Variants in PDE11A observed in about 807,000 individuals in gnomAD.
PDE11A encodes phosphodiesterase 11A, also known as dual 3',5'-cyclic-AMP and -GMP phosphodiesterase 11A.
In PDE11A, 100 loss-of-function variants were observed where a neutral mutation model predicts 100.5. The ratio of observed to expected loss-of-function variants is 1.00; its 90% CI spans 0.85 to 1.18. The LOEUF is 1.18. PDE11A is among the 50% of genes most tolerant of loss of function. PDE11A has a pLI of 0.00. For missense variants in PDE11A, 1,141 were observed against 1,152.6 expected (o/e 0.99, Z 0.15); for synonymous variants, 381 against 420.8 (o/e 0.91, Z 1.16).
Position 177,727,657 on chromosome 2 carries a change from C to G in PDE11A, c.2043+1G>C. 6.5e-7 allele frequency: 1 copy of G among 1,538,820 alleles called. No homozygotes were observed. Among genetic ancestry groups the G allele is most frequent in the Non-Finnish European group, 9.0e-7 (1 of 1,111,356 alleles). On this transcript the variant is annotated splice_donor_variant, in intron 12 of 19. Transcript: ENST00000286063. LOFTEE classifies it high-confidence loss of function. ...CTTCCACCATCACTAAGCACACTTA[C>G]GGTTAACATCGCGAACATCAGCTGA...
chr2:177,759,687 C>G (rs1357457566), intron 10 of PDE11A, among the ~76,000 whole-genome samples: 1 of 152,200 alleles, frequency 6.6e-6, no homozygotes, highest in African/African-American at 2.4e-5. Flanking sequence ...CATATACTCT[C>G]TTGCTAAGAA....
chr2:177,743,374 G>C (rs1644823286), intron 10 of PDE11A, among the ~76,000 whole-genome samples: 1 of 152,230 alleles, frequency 6.6e-6, no homozygotes, highest in African/African-American at 2.4e-5. Context: ...CATGAAACTT[G>C]TAAGATGAAG....
At chr2:177,641,036 C>A (rs1361913797) in intron 19 of PDE11A, among the ~76,000 whole-genome samples, 1 of 152,194 alleles carries the variant, frequency 6.6e-6, no homozygotes, top group Non-Finnish European at 1.5e-5. Flanking sequence ...GCTGCAGCCT[C>A]CTAACCAGTC....
intron 9 of PDE11A, among the ~76,000 whole-genome samples, chr2:177,784,561 T>A (rs1453672756): frequency 6.6e-6 from 1 of 152,240 alleles, no homozygotes; most frequent in Non-Finnish European, 1.5e-5. Context: ...GCTATCTGCC[T>A]ATGGGGTAGC....
At chr2:178,062,348 A>G (rs2105866474) in intron 1 of PDE11A, among the ~76,000 whole-genome samples, 1 of 152,122 alleles carries the variant, frequency 6.6e-6, no homozygotes, top group South Asian at 2.1e-4. Context: ...AAAAAAAAAA[A>G]AAAAAGAAGC....
chr2:177,773,706 G>T lies in PDE11A; in HGVS notation c.1738-4333C>A, dbSNP rs180703213. Among the ~76,000 whole-genome samples, 131 of 152,286 alleles carry T rather than the reference G, an allele frequency of 8.6e-4. 1 individual carries two copies. The highest frequency in any genetic ancestry group is 3.4e-3 in the Middle Eastern group (1 of 294). Reference sequence around the variant, plus strand: ...TGTAGGACTCCAAGAACCAGTAGAGGGGGGAGAGAAATGGTCTAGCTAAAG... The same window carrying T: ...TGTAGGACTCCAAGAACCAGTAGAGTGGGGAGAGAAATGGTCTAGCTAAAG... On this transcript the variant is annotated intron_variant, in intron 9 of 19. Transcript: ENST00000286063.
intron 2 of PDE11A, among the ~76,000 whole-genome samples, chr2:177,952,412 T>C (rs549549047): frequency 6.6e-5 from 10 of 152,340 alleles, no homozygotes; most frequent in African/African-American, 2.4e-4. Context: ...GTGGTAGGCA[T>C]GTGGCCCACA....
At chr2:177,930,459 C>A (rs1400624369) in intron 2 of PDE11A, among the ~76,000 whole-genome samples, 1 of 152,002 alleles carries the variant, frequency 6.6e-6, no homozygotes, top group Non-Finnish European at 1.5e-5. Context: ...GCATGATTCC[C>A]AGTATGCATC....
chr2:177,782,185 T>C (rs1167802752), intron 9 of PDE11A, among the ~76,000 whole-genome samples: 1 of 152,186 alleles, frequency 6.6e-6, no homozygotes, highest in African/African-American at 2.4e-5. Context: ...ATAACATATC[T>C]TGTATTATAT....
intron 2 of PDE11A, chr2:177,998,170 A>T: frequency 1.1e-6 from 1 of 928,062 alleles, no homozygotes; most frequent in East Asian, 2.4e-5. Flanking sequence ...TAAGCTTTTT[A>T]ACCCAGACAG....
At chr2:178,044,414 CT>C (rs1191891995) in intron 1 of PDE11A, among the ~76,000 whole-genome samples, 26 of 147,640 alleles carry the variant, frequency 1.8e-4, no homozygotes, top group African/African-American at 5.9e-4. Flanking sequence ...TATATATAAA[CT>C]TTATATATAT....
At chr2:177,850,328 A>C (rs1467501578) in intron 5 of PDE11A, among the ~76,000 whole-genome samples, 1 of 152,004 alleles carries the variant, frequency 6.6e-6, no homozygotes. Context: ...AACTGGCTAG[A>C]CATATGTAGA....
intron 4 of PDE11A, chr2:177,888,717 G>A (rs1028958526): frequency 7.5e-6 from 7 of 928,214 alleles, no homozygotes; most frequent in African/African-American, 1.8e-5. Context: ...GCAAACCTGG[G>A]AGATGAAGTA....
chr2:177,717,095 T>A (rs1559157993), intron 12 of PDE11A, among the ~76,000 whole-genome samples: 1 of 152,152 alleles, frequency 6.6e-6, no homozygotes, highest in Non-Finnish European at 1.5e-5. Flanking sequence ...ATGGAGCCTA[T>A]CTCTAGATCC....
chr2:177,875,352 T>C (rs1370361920), intron 5 of PDE11A, among the ~76,000 whole-genome samples: 1 of 152,052 alleles, frequency 6.6e-6, no homozygotes, highest in Non-Finnish European at 1.5e-5. Flanking sequence ...GCTAGATGTA[T>C]ATGCATTTAT....
intron 2 of PDE11A, among the ~76,000 whole-genome samples, chr2:177,906,935 T>C (rs1375672245): frequency 6.6e-6 from 1 of 152,214 alleles, no homozygotes; most frequent in Non-Finnish European, 1.5e-5. Context: ...ATAACGGGGA[T>C]AAAAGCAAGG....
chr2:177,667,021 G>A (rs150773966), intron 18 of PDE11A, among the ~76,000 whole-genome samples: 17 of 151,846 alleles, frequency 1.1e-4, no homozygotes, highest in Admixed American at 9.9e-4. Context: ...GGGTTCAAAC[G>A]GTTTTCCTGC....
At chr2:177,710,280 G>A (rs1404639972) in intron 13 of PDE11A, among the ~76,000 whole-genome samples, 2 of 151,940 alleles carry the variant, frequency 1.3e-5, no homozygotes, top group African/African-American at 4.8e-5. Flanking sequence ...TAGGTGGCAG[G>A]GGAGGAAATT....
intron 9 of PDE11A, among the ~76,000 whole-genome samples, chr2:177,773,312 T>A (rs2082337700): frequency 6.6e-6 from 1 of 152,214 alleles, no homozygotes; most frequent in African/African-American, 2.4e-5. Flanking sequence ...ATCTCACATA[T>A]CCTTTCTAAA....
Sources: allele counts gnomAD v4.1 joint callset (sites outside exome capture counted in the v4.1 genomes callset), GRCh38; gene constraint gnomAD v4.1.1; transcripts MANE v1.5; gene names NCBI Gene and HGNC (gene_info 2026-07-23, HGNC 2026-07-21).